Variants in DRC7 observed in about 807,000 individuals in gnomAD.
The protein encoded by DRC7 is coiled-coil domain containing 135.
In DRC7, 80 loss-of-function variants were observed where a neutral mutation model predicts 104.4. The observed-to-expected ratio is 0.77, with a 90% CI of 0.64 to 0.92. The LOEUF (loss-of-function observed/expected upper bound fraction) is 0.92. Ranked by LOEUF, DRC7 falls within the 40% of genes least tolerant of loss-of-function variation. DRC7 has a pLI of 0.00. For missense variants in DRC7, 1,034 were observed against 1,141.1 expected, an observed-to-expected ratio of 0.91 and a Z score of 1.35; for synonymous variants, 405 against 447.3, an observed-to-expected ratio of 0.91 and a Z score of 1.19.
rs1355990623 is a variant in DRC7 at position 57,701,837 on chromosome 16, C to T, written c.505-99C>T. 1.6e-5 allele frequency: 17 copies of T among 1,083,964 alleles called. No homozygotes were observed. In the South Asian group the frequency reaches 2.2e-4, roughly 14 times the overall value. 67.1% of individuals were successfully genotyped at this position (1,083,964 alleles called of 1,614,324 possible). A position where few individuals can be genotyped will look rare whatever the true frequency, so the allele number is the denominator to read the frequency against. ...AAGCAGGTCCAGCCTGTGCATTGGT[C>T]CTGGCTCCCCACCCTGACAGGTGGT... On this transcript the variant is annotated intron_variant, in intron 5 of 18. Coordinates refer to ENST00000360716, the MANE Select transcript of DRC7 (RefSeq NM_001289162.2).
At chr16:57,712,817 A>C (rs1397267079) in intron 8 of DRC7, among the ~76,000 whole-genome samples, 1 of 152,012 alleles carries the variant, frequency 6.6e-6, no homozygotes, top group African/African-American at 2.4e-5. Flanking sequence ...ACAGGCATGC[A>C]CCACGCCCAG....
chr16:57,721,635 A>G, intron 9 of DRC7, 32 bp from the exon 10 acceptor site: 1 of 1,565,864 alleles, frequency 6.4e-7, no homozygotes, highest in Non-Finnish European at 8.8e-7. Context: ...CCTGACCAGC[A>G]CCACCTCCCC....
chr16:57,701,603 TG>T (rs2048658707), intron 5 of DRC7: 1 of 212,198 alleles, frequency 4.7e-6, no homozygotes, highest in African/African-American at 2.3e-5. Flanking sequence ...GGAGGAAAGG[TG>T]GGTATCGAAG....
At chr16:57,705,625 T>TTCCA (rs1284731673) in intron 7 of DRC7, among the ~76,000 whole-genome samples, 1 of 112,194 alleles carries the variant, frequency 8.9e-6, no homozygotes, top group Non-Finnish European at 1.8e-5. Context: ...CCATCCATCC[T>TTCCA]TCCATCCATC....
chr16:57,728,498 G>C lies in DRC7; in HGVS notation c.2305G>C (p.Ala769Pro). 1.2e-6 allele frequency: 2 copies of C among 1,612,256 alleles called. No individual in the cohort carries two copies. Among genetic ancestry groups the C allele is most frequent in the Non-Finnish European group, 1.7e-6 (2 of 1,179,760 alleles). The change falls in exon 17 of 19, where the codon GCG becomes CCG. Residue 769 changes from alanine (A) to proline (P), a missense_variant. Physicochemically the swap from Ala to Pro is conservative, Grantham distance 27. Transcript: ENST00000360716. ...AGGAGAGAAACTAACATGCTGGCAG[G>C]CGGTGCGCCTCAAGGATGAGTGCCT... ...PPGEKLTCWQ[A>P]VRLKDECLSD...
At chr16:57,719,864 CCT>C (rs1360045511) in intron 9 of DRC7, among the ~76,000 whole-genome samples, 1 of 152,134 alleles carries the variant, frequency 6.6e-6, no homozygotes, top group Non-Finnish European at 1.5e-5. Context: ...ACCTTAATCA[CCT>C]CTCTAAAGAC....
At position 57,722,882 on chromosome 16, in the gene DRC7, G is replaced by T. The variant is rs774062435; in HGVS notation, c.1408+41G>T. 3.1e-6 allele frequency: 5 copies of T among 1,612,732 alleles called. No individual in the cohort carries two copies. The Middle Eastern group carries it at 5.0e-4, about 160-fold the overall frequency. ...CTGGACATGGGTCCAGGCCAGCCCA[G>T]GGGCGGGGGCGGCTTCTACTCTCTC... On this transcript the variant is annotated intron_variant, in intron 11 of 18. Coordinates refer to ENST00000360716, the MANE Select transcript of DRC7 (RefSeq NM_001289162.2).
At chr16:57,719,996 T>C (rs1301969992) in intron 9 of DRC7, among the ~76,000 whole-genome samples, 1 of 152,170 alleles carries the variant, frequency 6.6e-6, no homozygotes, top group African/African-American at 2.4e-5. Context: ...AACTTCAACC[T>C]ATGAATTTTA....
intron 6 of DRC7, among the ~76,000 whole-genome samples, chr16:57,702,438 A>G (rs1276368838): frequency 6.6e-6 from 1 of 152,168 alleles, no homozygotes; most frequent in African/African-American, 2.4e-5. Flanking sequence ...CACATAGCTT[A>G]TATCTTAAGT....
intron 8 of DRC7, among the ~76,000 whole-genome samples, chr16:57,708,663 T>C (rs1455961102): frequency 6.6e-6 from 1 of 152,204 alleles, no homozygotes; most frequent in Non-Finnish European, 1.5e-5. Flanking sequence ...TACTCAGTTT[T>C]AGTAGATACT....
Position 57,704,974 on chromosome 16 carries a change from G to A in DRC7, c.798G>A (p.Lys266=), listed in dbSNP as rs373507264. 38 of 1,613,548 alleles carry A rather than the reference G, an allele frequency of 2.4e-5. No individual in the cohort carries two copies. Among genetic ancestry groups the A allele is most frequent in the African/African-American group, 2.0e-4 (15 of 74,896 alleles). ...SRFEQEQEVK[K]QQEIRAQEKK... ...TTGAGCAGGAGCAAGAGGTGAAGAA[G>A]CAGCAGGAGATCAGAGCCCAGGAGA... Residue 266 remains lysine (K), a synonymous_variant, in exon 7 of 19, where the codon AAG becomes AAA. Coordinates refer to ENST00000360716, the MANE Select transcript of DRC7 (RefSeq NM_001289162.2).
At chr16:57,710,478 C>T in intron 8 of DRC7, among the ~76,000 whole-genome samples, 1 of 152,118 alleles carries the variant, frequency 6.6e-6, no homozygotes, top group Non-Finnish European at 1.5e-5. Flanking sequence ...TACTTCTTTT[C>T]CCATCTGGAT....
At chr16:57,729,564 G>GAGCA (rs2049024046) in intron 17 of DRC7, among the ~76,000 whole-genome samples, 1 of 124,010 alleles carries the variant, frequency 8.1e-6, no homozygotes, top group Non-Finnish European at 1.6e-5. Context: ...ATGGATGAGT[G>GAGCA]GGTGGGTGGA....
chr16:57,701,821 C>A, intron 5 of DRC7, 115 bp from the exon 6 acceptor site: 1 of 866,520 alleles, frequency 1.2e-6, no homozygotes, highest in Non-Finnish European at 1.8e-6. Context: ...AAAGCAGGTC[C>A]AGCCTGTGCA....
intron 2 of DRC7, among the ~76,000 whole-genome samples, chr16:57,697,103 G>A (rs901437099): frequency 6.6e-6 from 1 of 151,980 alleles, no homozygotes; most frequent in Non-Finnish European, 1.5e-5. Flanking sequence ...AGTAGAGACG[G>A]GGTTTCGCCA....
intron 2 of DRC7, 107 bp from the exon 3 acceptor site, chr16:57,697,806 A>G: frequency 7.9e-7 from 1 of 1,260,340 alleles, no homozygotes; most frequent in South Asian, 1.4e-5. Context: ...TGTGTTCGAC[A>G]CCTCCTCAAA....
intron 8 of DRC7, chr16:57,713,855 T>G (rs1308604957): frequency 6.4e-6 from 1 of 155,146 alleles, no homozygotes; most frequent in Non-Finnish European, 1.4e-5. Context: ...TCATGGTGTA[T>G]GAGCCTCTTC....
At chr16:57,702,383 A>C (rs1021242561) in intron 6 of DRC7, among the ~76,000 whole-genome samples, 4 of 152,314 alleles carry the variant, frequency 2.6e-5, no homozygotes, top group African/African-American at 9.6e-5. Flanking sequence ...GTTGTAACTC[A>C]GTTTTCAGCT....
intron 8 of DRC7, 52 bp downstream of exon 8, chr16:57,707,730 A>G (rs2048748354): frequency 6.6e-7 from 1 of 1,526,156 alleles, no homozygotes; most frequent in Non-Finnish European, 9.0e-7. Context: ...TGCAGGTGAT[A>G]GGAATAGAGG....
Sources: gnomAD v4.1 joint callset for allele counts (sites outside exome capture counted in the v4.1 genomes callset) on GRCh38, gnomAD v4.1.1 for gene constraint, MANE v1.5 for transcripts, NCBI Gene and HGNC (gene_info 2026-07-23, HGNC 2026-07-21) for gene names.